Variants in AMPD1 observed in about 807,000 individuals in gnomAD.
The protein encoded by AMPD1 is AMP deaminase 1.
Under a neutral mutation model 82.9 loss-of-function variants are expected in AMPD1, and 74 were observed. That is an observed-to-expected ratio of 0.89 (90% CI 0.74 to 1.08). AMPD1 has a LOEUF of 1.08. AMPD1 is among the 50% of genes least tolerant of loss of function. AMPD1 has a pLI of 0.00. For synonymous variants in AMPD1, 333 were observed against 320.5 expected, an observed-to-expected ratio of 1.04 and a Z score of -0.42; for missense variants, 881 against 924.5, an observed-to-expected ratio of 0.95 and a Z score of 0.61.
intron 11 of AMPD1, 29 bp downstream of exon 11, chr1:114,675,848 A>C: frequency 2.5e-6 from 4 of 1,614,154 alleles, no homozygotes; most frequent in Non-Finnish European, 3.4e-6. Context: ...CATGAGCAGC[A>C]GTATGAAGGC....
chr1:114,678,851 A>G (rs1270085387), intron 7 of AMPD1, among the ~76,000 whole-genome samples: 1 of 152,226 alleles, frequency 6.6e-6, no homozygotes, highest in East Asian at 1.9e-4. Flanking sequence ...GAAGTGAAGT[A>G]ACTACCATAA....
At position 114,695,528 on chromosome 1, in the gene AMPD1, T is replaced by C; in HGVS notation, c.-57A>G. 5 of 1,614,150 alleles carry C rather than the reference T, an allele frequency of 3.1e-6. No homozygotes were observed. Among genetic ancestry groups the C allele is most frequent in the Non-Finnish European group, 4.2e-6 (5 of 1,180,020 alleles). ...CAGTAGAAAAGAAGAGAGAGGAGAC[T>C]GTGGGGTGACTGACTGACACTATAA... On this transcript the variant is annotated 5_prime_UTR_variant, in exon 1 of 16. Coordinates refer to ENST00000520113, the MANE Select transcript of AMPD1 (RefSeq NM_000036.3).
At chr1:114,675,214 C>G (rs1035433232) in intron 12 of AMPD1, among the ~76,000 whole-genome samples, 1 of 152,032 alleles carries the variant, frequency 6.6e-6, no homozygotes, top group Non-Finnish European at 1.5e-5. Flanking sequence ...TAATATTCCT[C>G]TACTTATTCC....
At chr1:114,676,085 G>A (rs1357184851) in intron 10 of AMPD1, 82 bp from the exon 11 acceptor site, 5 of 1,490,726 alleles carry the variant, frequency 3.4e-6, no homozygotes, top group African/African-American at 1.4e-5. Flanking sequence ...CCAGAGAATC[G>A]AATGTCATGC....
chr1:114,673,995 C>T lies in AMPD1; in HGVS notation c.1888G>A (p.Ala630Thr), dbSNP rs547408933. 5 of 1,613,858 alleles carry T rather than the reference C, an allele frequency of 3.1e-6. No homozygotes were observed. The African/African-American group carries it at 6.7e-5, about 22-fold the overall frequency. The part of the protein sequence containing the change: ...LSNNSLFLEY[A>T]KNPFLDFLQK... Reference sequence around the variant, plus strand: ...AGGAAATCCAAAAAAGGATTTTTGGCATACTCTAGAAATAGGCTATTGTTA... The same window carrying T: ...AGGAAATCCAAAAAAGGATTTTTGGTATACTCTAGAAATAGGCTATTGTTA... Residue 630 changes from alanine (A) to threonine (T), a missense_variant, in exon 14 of 16, where the codon GCC becomes ACC. Coordinates refer to ENST00000520113, the MANE Select transcript of AMPD1 (RefSeq NM_000036.3).
intron 13 of AMPD1, among the ~76,000 whole-genome samples, chr1:114,674,483 G>A (rs1657923508): frequency 6.6e-6 from 1 of 152,140 alleles, no homozygotes; most frequent in Non-Finnish European, 1.5e-5. Context: ...GGAAAGCCAG[G>A]CCATCTCTGA....
At chr1:114,683,015 G>T (rs1195253944) in intron 5 of AMPD1, 2 of 275,214 alleles carry the variant, frequency 7.3e-6, no homozygotes, top group East Asian at 2.3e-4. Context: ...TAAAAAGTCA[G>T]AAATTTAATT....
chr1:114,674,377 T>A (rs1391362320), intron 13 of AMPD1, among the ~76,000 whole-genome samples: 1 of 152,214 alleles, frequency 6.6e-6, no homozygotes, highest in Non-Finnish European at 1.5e-5. Context: ...CTTGAAACAT[T>A]ATTTTTTCTC....
chr1:114,673,855 C>A (rs574866696), intron 14 of AMPD1, 54 bp downstream of exon 14: 2 of 1,599,140 alleles, frequency 1.3e-6, no homozygotes, highest in African/African-American at 2.7e-5. Context: ...AAATTCTGGA[C>A]GGGAAACAAC....
rs773929610 is a variant in AMPD1, at chr1:114,677,928, A to G, written c.1206T>C (p.Tyr402=). 1.2e-6 allele frequency: 2 copies of G among 1,613,462 alleles called. No individual in the cohort carries two copies. Among genetic ancestry groups the G allele is most frequent in the Non-Finnish European group, 1.7e-6 (2 of 1,179,958 alleles). Residue 402 remains tyrosine, a synonymous_variant, in exon 9 of 16, where the codon TAT becomes TAC. Transcript: ENST00000520113. Reference sequence around the variant, plus strand: ...GCCTCACCTTGATGATAGTGGCAAAATATTCCCCATTAATGTAATTGTCTG... The same window carrying G: ...GCCTCACCTTGATGATAGTGGCAAAGTATTCCCCATTAATGTAATTGTCTG... ...LKTDNYINGE[Y]FATIIKEVGA...
At chr1:114,679,515 C>T in intron 7 of AMPD1, 64 bp downstream of exon 7, 1 of 1,589,642 alleles carries the variant, frequency 6.3e-7, no homozygotes. Flanking sequence ...TTTTCTTGTG[C>T]TTCTCAATAA....
At chr1:114,679,336 C>T (rs746345584) in intron 7 of AMPD1, among the ~76,000 whole-genome samples, 3 of 152,148 alleles carry the variant, frequency 2.0e-5, no homozygotes, top group South Asian at 2.1e-4. Flanking sequence ...TTGCTATTTT[C>T]GTTGTTGAGG....
intron 2 of AMPD1, among the ~76,000 whole-genome samples, chr1:114,691,986 C>T (rs1658529882): frequency 6.6e-6 from 1 of 152,008 alleles, no homozygotes; most frequent in South Asian, 2.1e-4. Context: ...GCTGGATGGC[C>T]TTGGGCAAAC....
rs1331180018 is a variant in AMPD1, at chr1:114,674,796, A to G, written c.1756T>C (p.Phe586Leu). Residue 586 changes from phenylalanine to leucine, a missense_variant, in exon 13 of 16, where the codon TTC becomes CTC. Physicochemically the swap from Phe to Leu is conservative, Grantham distance 22. Around this residue, in one of 2 missense-constraint regions of AMPD1, gnomAD observed 783 missense variants for 786.4 expected, o/e 1.00. Transcript: ENST00000520113. The stretch of plus-strand genomic sequence containing the variant: ...TGAGAGATATCATCTGCTATCATGA[A>G]TGCTGTCATGAGATGGGTGAGGGCT... ...AGALTHLMTA[F>L]MIADDISHGL... 8.1e-6 allele frequency: 13 copies of G among 1,612,624 alleles called. No homozygotes were observed. The highest frequency in any genetic ancestry group is 1.1e-5 in the Non-Finnish European group (13 of 1,178,596).
At chr1:114,689,752 G>T (rs1044964769) in intron 2 of AMPD1, among the ~76,000 whole-genome samples, 1 of 152,166 alleles carries the variant, frequency 6.6e-6, no homozygotes, top group African/African-American at 2.4e-5. Flanking sequence ...GGGAGGCAGA[G>T]GTTGCAGTGA....
intron 10 of AMPD1, 92 bp downstream of exon 10, chr1:114,677,259 C>G: frequency 6.5e-7 from 1 of 1,544,518 alleles, no homozygotes; most frequent in Non-Finnish European, 8.9e-7. Context: ...TGATTTATTT[C>G]TAGATGGGCA....
rs1258737376 is a variant in AMPD1, at chr1:114,676,138, C to T, written c.1389-135G>A. 37 of 1,101,122 alleles carry T rather than the reference C, an allele frequency of 3.4e-5. 1 individual carries two copies. The Admixed American group carries it at 7.0e-4, about 21-fold the overall frequency. 68.2% of individuals were successfully genotyped at this position (1,101,122 alleles called of 1,614,324 possible). ...ATATCTATCCTAGGTCCATGCTCCT[C>T]ATACATTCTTTTTGGTCCCCTATAG... is the stretch of plus-strand genomic sequence containing the variant. On this transcript the variant is annotated intron_variant, in intron 10 of 15. Transcript: ENST00000520113.
At chr1:114,673,577 T>C (rs1426974118) in intron 15 of AMPD1, 62 bp downstream of exon 15, 1 of 1,342,626 alleles carries the variant, frequency 7.4e-7, no homozygotes, top group Non-Finnish European at 1.1e-6. Flanking sequence ...CCAACTACTT[T>C]TTCGGTATTC....
intron 4 of AMPD1, among the ~76,000 whole-genome samples, chr1:114,685,040 A>T (rs1202975754): frequency 6.6e-6 from 1 of 152,210 alleles, no homozygotes; most frequent in Non-Finnish European, 1.5e-5. Context: ...ATGCCCAAGT[A>T]GTTATAACTT....
Sources: allele counts gnomAD v4.1 joint callset (sites outside exome capture counted in the v4.1 genomes callset), GRCh38; gene constraint gnomAD v4.1.1; regional missense constraint gnomAD v4.1.1; transcripts MANE v1.5; gene names NCBI Gene and HGNC (gene_info 2026-07-23, HGNC 2026-07-21).